HPCA: variants seen among roughly 807,000 people sequenced by gnomAD.
HPCA encodes the protein neuron-specific calcium-binding protein hippocalcin.
In HPCA, 4 loss-of-function variants were observed where a neutral mutation model predicts 18.2. The observed-to-expected ratio is 0.22, with a 90% CI of 0.11 to 0.50. The LOEUF (loss-of-function observed/expected upper bound fraction) is 0.50, where lower values mean the gene tolerates loss of function less well. Ranked by LOEUF, HPCA falls within the 20% of genes least tolerant of loss-of-function variation. The probability of loss-of-function intolerance (pLI) is 0.97; values close to 1 mark genes in which losing one functional copy is unlikely to be tolerated. For missense variants in HPCA, 161 were observed against 265.8 expected (o/e 0.61, Z 2.74); for synonymous variants, 93 against 103.5 (o/e 0.90, Z 0.61).
chr1:32,893,642 G>C lies in HPCA; in HGVS notation c.484+13G>C. ...ACAAACAACGACGGTGAGGGGCAGG[G>C]GCGGGACGGGGTGGACGGGGCGGGC... On this transcript the variant is annotated intron_variant, in intron 3 of 3. Transcript: ENST00000373467. This position sits in a 1 kb window ranked among gnomAD's most constrained non-coding sequence, Gnocchi z 7.5. 6.2e-7 allele frequency: 1 copy of C among 1,601,426 alleles called. No individual in the cohort carries two copies. Among genetic ancestry groups the C allele is most frequent in the Non-Finnish European group, 8.6e-7 (1 of 1,168,872 alleles).
Position 32,893,673 on chromosome 1 carries a change from T to TACC in HPCA, c.484+44_484+45insACC. 2.3e-6 allele frequency: 3 copies of TACC among 1,314,126 alleles called. No homozygotes were observed. Among genetic ancestry groups the TACC allele is most frequent in the South Asian group, 1.2e-5 (1 of 82,800 alleles). The allele number at this position is 1,314,126 out of a possible 1,614,324, so 81.4% of individuals were successfully genotyped here. ...ACGGGGTGGACGGGGCGGGCGCCTTTCCCTCCCTCCCTCCCTGCCTCCCTT... is the reference window on the plus strand; with the variant it reads ...ACGGGGTGGACGGGGCGGGCGCCTTTACCCCCTCCCTCCCTCCCTGCCTCCCTT... On this transcript the variant is annotated intron_variant, in intron 3 of 3. Transcript: ENST00000373467. This position sits in a 1 kb window ranked among gnomAD's most constrained non-coding sequence, Gnocchi z 7.5.
rs763533673 is a variant in HPCA at position 32,889,132 on chromosome 1, C to A, written c.234C>A (p.Gly78=). Residue 78 remains glycine, a synonymous_variant, in exon 2 of 4, where the codon GGC becomes GGA. Coordinates refer to ENST00000373467, the MANE Select transcript of HPCA (RefSeq NM_002143.3). The surrounding 1 kb of genome is among the most constrained non-coding windows in gnomAD (Gnocchi z 4.6). ...GCACCTTTGACACCAACAGCGATGG[C>A]ACCATAGACTTTCGGGAGTTCATCA... ...VFRTFDTNSD[G]TIDFREFIIA... 3 of 1,614,150 alleles carry A rather than the reference C, an allele frequency of 1.9e-6. No individual in the cohort carries two copies. Among genetic ancestry groups the A allele is most frequent in the African/African-American group, 2.7e-5 (2 of 74,940 alleles).
rs115832376 is a variant in HPCA, at chr1:32,890,073, A to G, written c.378+797A>G. Among the ~76,000 whole-genome samples, 107 of 152,326 alleles carry G rather than the reference A, an allele frequency of 7.0e-4. 1 individual carries two copies. The highest frequency in any genetic ancestry group is 1.2e-3 in the Non-Finnish European group (82 of 68,020). ...GAGCCTAGCATTGAGTGAGGTGCTC[A>G]TGAGCTCAGTGCGTGCTTACAACAA... is the stretch of plus-strand genomic sequence containing the variant. On this transcript the variant is annotated intron_variant, in intron 2 of 3. Transcript: ENST00000373467.
intron 2 of HPCA, among the ~76,000 whole-genome samples, chr1:32,892,961 C>T (rs1161479239): frequency 2.6e-5 from 4 of 152,164 alleles, no homozygotes; most frequent in African/African-American, 9.7e-5. Flanking sequence ...TGCAGATGCT[C>T]ATTTGCATTC....
intron 2 of HPCA, among the ~76,000 whole-genome samples, chr1:32,892,916 G>A (rs1171916576): frequency 1.3e-5 from 2 of 152,242 alleles, no homozygotes; most frequent in East Asian, 3.9e-4. Context: ...CCTCTGCCCA[G>A]CCCAGCCTAG....
In HPCA at chr1:32,893,932, T is replaced by G; in HGVS notation, c.*70T>G. 8.8e-7 allele frequency: 1 copy of G among 1,140,122 alleles called. No homozygotes were observed. The highest frequency in any genetic ancestry group is 1.3e-6 in the Non-Finnish European group (1 of 783,336). 70.6% of individuals were successfully genotyped at this position (1,140,122 alleles called of 1,614,324 possible). ...CCGGCTCTTAGCTTCCACTCCCTTG[T>G]GTGTATTCTGGCTGGGGGCCAGATT... On this transcript the variant is annotated 3_prime_UTR_variant, in exon 4 of 4. Transcript: ENST00000373467. The surrounding 1 kb of genome is among the most constrained non-coding windows in gnomAD (Gnocchi z 7.5).
At chr1:32,887,219 G>A (rs2124010753) in intron 1 of HPCA, among the ~76,000 whole-genome samples, 1 of 152,302 alleles carries the variant, frequency 6.6e-6, no homozygotes, top group East Asian at 1.9e-4. Flanking sequence ...GGCCACACGG[G>A]CTCATTCCCT....
rs200952335 is a variant in HPCA at position 32,889,560 on chromosome 1, TG to T, written c.378+285del. 9.4e-3 allele frequency among the ~76,000 whole-genome samples: 1,435 copies of T among 152,338 alleles called. 12 individuals carry two copies. The highest frequency in any genetic ancestry group is 0.016 in the African/African-American group (682 of 41,574). ...TGCACACTAGTGTGTAACATTTTCT[TG>T]CTGTTCTGAACATTGGCCCTTTACC... On this transcript the variant is annotated intron_variant, in intron 2 of 3. Coordinates refer to ENST00000373467, the MANE Select transcript of HPCA (RefSeq NM_002143.3). The surrounding 1 kb of genome is among the most constrained non-coding windows in gnomAD (Gnocchi z 4.6).
chr1:32,893,429 C>A lies in HPCA; in HGVS notation c.379-95C>A. On this transcript the variant is annotated intron_variant, in intron 2 of 3. Coordinates refer to ENST00000373467, the MANE Select transcript of HPCA (RefSeq NM_002143.3). The surrounding 1 kb of genome is among the most constrained non-coding windows in gnomAD (Gnocchi z 7.5). The stretch of plus-strand genomic sequence containing the variant: ...CCACTCCACCTTGCCCAGGCGGGGG[C>A]AGCAAACGTCAGAGAGCCCGGGGGC... 1.2e-6 allele frequency: 1 copy of A among 829,144 alleles called. No individual in the cohort carries two copies. Among genetic ancestry groups the A allele is most frequent in the Non-Finnish European group, 2.0e-6 (1 of 501,994 alleles). 51.4% of individuals were successfully genotyped at this position (829,144 alleles called of 1,614,324 possible).
At chr1:32,892,900 T>A (rs1015300048) in intron 2 of HPCA, among the ~76,000 whole-genome samples, 1 of 152,172 alleles carries the variant, frequency 6.6e-6, no homozygotes, top group African/African-American at 2.4e-5. Flanking sequence ...ACGTGGCGGC[T>A]GCCGCCCTCT....
chr1:32,890,853 G>A (rs1446043733), intron 2 of HPCA, among the ~76,000 whole-genome samples: 1 of 152,204 alleles, frequency 6.6e-6, no homozygotes, highest in Non-Finnish European at 1.5e-5. Context: ...CCATACCTAT[G>A]GCTAGAGAGG....
Position 32,893,495 on chromosome 1 carries a change from T to C in HPCA, c.379-29T>C, listed in dbSNP as rs762547556. 6.6e-7 allele frequency: 1 copy of C among 1,512,358 alleles called. No homozygotes were observed. The highest frequency in any genetic ancestry group is 2.3e-5 in the East Asian group (1 of 44,176). The allele number at this position is 1,512,358 out of a possible 1,614,324, so 93.7% of individuals were successfully genotyped here. ...GGGTGGGGGCTCGGGCAGGCTCCTC[T>C]CACTCCCCGCCTCCCCTCCCGCCCC... On this transcript the variant is annotated intron_variant, in intron 2 of 3. Transcript: ENST00000373467. This position sits in a 1 kb window ranked among gnomAD's most constrained non-coding sequence, Gnocchi z 7.5.
chr1:32,893,903 C>A lies in HPCA; in HGVS notation c.*41C>A. On this transcript the variant is annotated 3_prime_UTR_variant, in exon 4 of 4. Transcript: ENST00000373467. The surrounding 1 kb of genome is among the most constrained non-coding windows in gnomAD (Gnocchi z 7.5). The stretch of plus-strand genomic sequence containing the variant: ...CCTTCCTCCCTCCCTTCACCGGCCC[C>A]CTCCCGGCTCTTAGCTTCCACTCCC... 2 of 1,370,988 alleles carry A rather than the reference C, an allele frequency of 1.5e-6. No individual in the cohort carries two copies. The highest frequency in any genetic ancestry group is 2.0e-6 in the Non-Finnish European group (2 of 985,210). The allele number at this position is 1,370,988 out of a possible 1,614,324, so 84.9% of individuals were successfully genotyped here.
intron 1 of HPCA, among the ~76,000 whole-genome samples, chr1:32,888,083 G>A (rs1641400178): frequency 6.6e-6 from 1 of 152,134 alleles, no homozygotes; most frequent in South Asian, 2.1e-4. Context: ...CATTTATGTA[G>A]CACTTATCTA....
rs973684846 is a variant in HPCA at position 32,886,941 on chromosome 1, C to T, written c.-22+426C>T. Among the ~76,000 whole-genome samples, 7 of 152,170 alleles carry T rather than the reference C, an allele frequency of 4.6e-5. No homozygotes were observed. Among genetic ancestry groups the T allele is most frequent in the East Asian group, 1.9e-4 (1 of 5,186 alleles). On this transcript the variant is annotated intron_variant, in intron 1 of 3. Coordinates refer to ENST00000373467, the MANE Select transcript of HPCA (RefSeq NM_002143.3). The surrounding 1 kb of genome is among the most constrained non-coding windows in gnomAD (Gnocchi z 7.0). ...TTCTTGCAACCGGGAGGGGCAACTC[C>T]GAGGGTGGCAGGGCCCAGGGGGCAC...
chr1:32,890,074 T>C (rs561098683), intron 2 of HPCA, among the ~76,000 whole-genome samples: 1 of 152,318 alleles, frequency 6.6e-6, no homozygotes, highest in Non-Finnish European at 1.5e-5. Flanking sequence ...GAGGTGCTCA[T>C]GAGCTCAGTG....
chr1:32,894,575 C>A lies in HPCA; in HGVS notation c.*713C>A. ...CTCCCCTCTGTCCCCCCAACCGCCC[C>A]CCCTGCATGCAGCCAAATGGAGCAT... On this transcript the variant is annotated 3_prime_UTR_variant, in exon 4 of 4. Coordinates refer to ENST00000373467, the MANE Select transcript of HPCA (RefSeq NM_002143.3). 1 of 552,278 alleles carries A rather than the reference C, an allele frequency of 1.8e-6. No individual in the cohort carries two copies. Among genetic ancestry groups the A allele is most frequent in the East Asian group, 3.0e-5 (1 of 33,702 alleles). The allele number at this position is 552,278 out of a possible 1,614,324, so 34.2% of individuals were successfully genotyped here. A position where few individuals can be genotyped will look rare whatever the true frequency, so the allele number is the denominator to read the frequency against.
intron 2 of HPCA, among the ~76,000 whole-genome samples, chr1:32,892,531 C>A (rs1186041551): frequency 6.6e-6 from 1 of 152,060 alleles, no homozygotes; most frequent in African/African-American, 2.4e-5. Context: ...GCAAGGCGGG[C>A]CTAAGAGGAG....
chr1:32,891,650 T>G lies in HPCA; in HGVS notation c.379-1874T>G, dbSNP rs547516528. On this transcript the variant is annotated intron_variant, in intron 2 of 3. Transcript: ENST00000373467. ...ATAATCTCATTTAATCTGAGGAAACTGAGGCTCACAGATACATATATGTCC... is the reference window on the plus strand; with the variant it reads ...ATAATCTCATTTAATCTGAGGAAACGGAGGCTCACAGATACATATATGTCC... Among the ~76,000 whole-genome samples the G allele has an allele frequency of 2.6e-5, 4 of 152,308 alleles. No individual in the cohort carries two copies. In the South Asian group the frequency reaches 8.3e-4, roughly 32 times the overall value.
Sources: gnomAD v4.1 joint callset for allele counts (sites outside exome capture counted in the v4.1 genomes callset) on GRCh38, gnomAD v4.1.1 for gene constraint, Gnocchi (gnomAD v3.1) non-coding constraint, MANE v1.5 for transcripts, NCBI Gene and HGNC (gene_info 2026-07-23, HGNC 2026-07-21) for gene names.